BRIP1: variants seen among roughly 807,000 people sequenced by gnomAD.
BRIP1 encodes the protein BRCA1 interacting DNA helicase 1, also known as Fanconi anemia group J protein.
Under a neutral mutation model 119.7 loss-of-function variants are expected in BRIP1, and 88 were observed. The observed-to-expected ratio is 0.74, with a 90% CI of 0.62 to 0.88. The LOEUF (loss-of-function observed/expected upper bound fraction) is 0.88, where lower values mean the gene tolerates loss of function less well. Ranked by LOEUF, BRIP1 falls within the 40% of genes least tolerant of loss-of-function variation. The pLI is 0.00. For synonymous variants in BRIP1, 443 were observed against 496.5 expected (o/e 0.89, Z 1.43); for missense variants, 1,259 against 1,455.4 (o/e 0.87, Z 2.20).
chr17:61,779,574 C>G (rs989868344), intron 13 of BRIP1, among the ~76,000 whole-genome samples: 1 of 152,080 alleles, frequency 6.6e-6, no homozygotes, highest in Non-Finnish European at 1.5e-5. Context: ...GAGCCAAGAT[C>G]GCACCACTGC....
In BRIP1 at chr17:61,775,482, G is replaced by A. The variant is rs553283068; in HGVS notation, c.2097+919C>T. On this transcript the variant is annotated intron_variant, in intron 14 of 19. Transcript: ENST00000259008. The surrounding 1 kb of genome is among the most constrained non-coding windows in gnomAD (Gnocchi z 4.4). ...GAGGTATAACTTCCTGTGGAAAAAAGAGAAGGGAACGCCACTTCTCTACAT... is the reference window on the plus strand; with the variant it reads ...GAGGTATAACTTCCTGTGGAAAAAAAAGAAGGGAACGCCACTTCTCTACAT... Among the ~76,000 whole-genome samples, 2 of 152,222 alleles carry A rather than the reference G, an allele frequency of 1.3e-5. No individual in the cohort carries two copies. The highest frequency in any genetic ancestry group is 4.8e-5 in the African/African-American group (2 of 41,542).
intron 6 of BRIP1, among the ~76,000 whole-genome samples, chr17:61,818,472 T>C (rs2145507529): frequency 6.6e-6 from 1 of 152,214 alleles, no homozygotes; most frequent in African/African-American, 2.4e-5. Flanking sequence ...TTACAGAAAA[T>C]AGGCCACATC....
intron 14 of BRIP1, among the ~76,000 whole-genome samples, chr17:61,764,549 T>A (rs550107840): frequency 6.6e-6 from 1 of 152,136 alleles, no homozygotes; most frequent in South Asian, 2.1e-4. Context: ...GGTGCCAATA[T>A]GAAACTGTCA....
intron 14 of BRIP1, among the ~76,000 whole-genome samples, chr17:61,772,507 A>T (rs901842785): frequency 6.6e-6 from 1 of 152,022 alleles, no homozygotes; most frequent in African/African-American, 2.4e-5. Flanking sequence ...TTGTGAATGT[A>T]CTTAATTGTA....
chr17:61,759,005 C>CATAAATGAATAA lies in BRIP1; in HGVS notation c.2098-14415_2098-14414insTTATTCATTTAT, dbSNP rs1555596119. ...CCTGGGTGACAGAGCAAGACCCTGT[C>CATAAATGAATAA]ATAAATAAATAAATAAATAAATAAA... On this transcript the variant is annotated intron_variant, in intron 14 of 19. Transcript: ENST00000259008. This position sits in a 1 kb window ranked among gnomAD's most constrained non-coding sequence, Gnocchi z 4.9. Among the ~76,000 whole-genome samples the CATAAATGAATAA allele has an allele frequency of 7.3e-6, 1 of 136,996 alleles. No homozygotes were observed. The highest frequency in any genetic ancestry group is 1.6e-5 in the Non-Finnish European group (1 of 64,220). The allele number at this position is 136,996 out of a possible 152,430, so 89.9% of individuals were successfully genotyped here.
In BRIP1 at chr17:61,703,911, C is replaced by T. The variant is rs1215109952; in HGVS notation, c.2493-10399G>A. 3.9e-5 allele frequency among the ~76,000 whole-genome samples: 6 copies of T among 152,224 alleles called. No homozygotes were observed. In the East Asian group the frequency reaches 1.2e-3, roughly 29 times the overall value. Reference sequence around the variant, plus strand: ...GTTTTGTTGCAATTGCTTTTGAGGACTTAGTCACAAATTCTTTGCCAAATC... The same window carrying T: ...GTTTTGTTGCAATTGCTTTTGAGGATTTAGTCACAAATTCTTTGCCAAATC... On this transcript the variant is annotated intron_variant, in intron 17 of 19. Coordinates refer to ENST00000259008, the MANE Select transcript of BRIP1 (RefSeq NM_032043.3). This position sits in a 1 kb window ranked among gnomAD's most constrained non-coding sequence, Gnocchi z 5.0.
At chr17:61,837,523 G>T (rs2078592901) in intron 6 of BRIP1, among the ~76,000 whole-genome samples, 1 of 151,948 alleles carries the variant, frequency 6.6e-6, no homozygotes, top group African/African-American at 2.4e-5. Flanking sequence ...AGTATATAAA[G>T]AATGTTAGCA....
At position 61,806,174 on chromosome 17, in the gene BRIP1, AC is replaced by A. The variant is rs1368689368; in HGVS notation, c.918+2292del. 6.6e-6 allele frequency among the ~76,000 whole-genome samples: 1 copy of A among 152,190 alleles called. No homozygotes were observed. Among genetic ancestry groups the A allele is most frequent in the East Asian group, 1.9e-4 (1 of 5,188 alleles). ...TCATCCATTTTAGCAGTGTAACACA[AC>A]CCTGAGGAAGTCTGTCAATTGAAGT... On this transcript the variant is annotated intron_variant, in intron 7 of 19. Transcript: ENST00000259008. The surrounding 1 kb of genome is among the most constrained non-coding windows in gnomAD (Gnocchi z 4.9).
chr17:61,742,988 A>G lies in BRIP1; in HGVS notation c.2379+25T>C, dbSNP rs1318473522. The G allele has an allele frequency of 1.9e-6, 3 of 1,612,842 alleles. No homozygotes were observed. The highest frequency in any genetic ancestry group is 1.7e-5 in the Admixed American group (1 of 60,000). ...CAAAACCAATGACTCCTGTAATAAT[A>G]AAACTTAAGGTTTTGATGGCCTACC... On this transcript the variant is annotated intron_variant, in intron 16 of 19. Coordinates refer to ENST00000259008, the MANE Select transcript of BRIP1 (RefSeq NM_032043.3). The surrounding 1 kb of genome is among the most constrained non-coding windows in gnomAD (Gnocchi z 4.7).
In BRIP1 at chr17:61,848,674, T is replaced by G. The variant is rs546619566; in HGVS notation, c.507+455A>C. On this transcript the variant is annotated intron_variant, in intron 5 of 19. Coordinates refer to ENST00000259008, the MANE Select transcript of BRIP1 (RefSeq NM_032043.3). This position sits in a 1 kb window ranked among gnomAD's most constrained non-coding sequence, Gnocchi z 4.3. ...AGTAATTTTTAGAAATAAATATACA[T>G]ATTTTATCATGTATCAATCTTAAAA... Among the ~76,000 whole-genome samples, 1 of 152,310 alleles carries G rather than the reference T, an allele frequency of 6.6e-6. No homozygotes were observed. Among genetic ancestry groups the G allele is most frequent in the East Asian group, 1.9e-4 (1 of 5,188 alleles).
In BRIP1 at chr17:61,717,974, T is replaced by C. The variant is rs1457102511; in HGVS notation, c.2380-1911A>G. Among the ~76,000 whole-genome samples the C allele has an allele frequency of 6.6e-6, 1 of 152,182 alleles. No homozygotes were observed. The highest frequency in any genetic ancestry group is 2.4e-5 in the African/African-American group (1 of 41,450). The stretch of plus-strand genomic sequence containing the variant: ...TTGTTTCATATAGAGAGATTTCACA[T>C]AGGTATTTAAAAAATAGCTTCTGTT... On this transcript the variant is annotated intron_variant, in intron 16 of 19. Transcript: ENST00000259008. This position sits in a 1 kb window ranked among gnomAD's most constrained non-coding sequence, Gnocchi z 4.1.
chr17:61,774,330 C>A lies in BRIP1; in HGVS notation c.2097+2071G>T, dbSNP rs958796836. Among the ~76,000 whole-genome samples the A allele has an allele frequency of 5.3e-4, 81 of 152,212 alleles. No homozygotes were observed. The highest frequency in any genetic ancestry group is 1.9e-3 in the African/African-American group (79 of 41,538). On this transcript the variant is annotated intron_variant, in intron 14 of 19. Coordinates refer to ENST00000259008, the MANE Select transcript of BRIP1 (RefSeq NM_032043.3). This position sits in a 1 kb window ranked among gnomAD's most constrained non-coding sequence, Gnocchi z 5.8. ...AACCATCATTCTCAGCAAACTATCA[C>A]AAAGACAGAAAACCAAACACCGCAT...
rs762489777 is a variant in BRIP1, at chr17:61,731,079, TA to T, written c.2379+11933del. On this transcript the variant is annotated intron_variant, in intron 16 of 19. Coordinates refer to ENST00000259008, the MANE Select transcript of BRIP1 (RefSeq NM_032043.3). The stretch of plus-strand genomic sequence containing the variant: ...CAAAATACTTTTGGCCAAACTATCT[TA>T]AAAAAAAAAAAAAGCTGGGGAAAAA... 4.1e-3 allele frequency among the ~76,000 whole-genome samples: 540 copies of T among 130,488 alleles called. 1 individual carries two copies. Among genetic ancestry groups the T allele is most frequent in the Non-Finnish European group, 4.1e-3 (250 of 60,400 alleles). 85.6% of individuals were successfully genotyped at this position (130,488 alleles called of 152,430 possible).
At position 61,850,758 on chromosome 17, in the gene BRIP1, G is replaced by A. The variant is rs1052934464; in HGVS notation, c.380-1502C>T. On this transcript the variant is annotated intron_variant, in intron 4 of 19. Transcript: ENST00000259008. ...CATGAGAATCTCTTGAACCTGGGAG[G>A]CAGAGGTTGCAGTGAGCTGAGATCG... 1.1e-4 allele frequency among the ~76,000 whole-genome samples: 17 copies of A among 151,872 alleles called. 1 individual carries two copies. Among genetic ancestry groups the A allele is most frequent in the African/African-American group, 4.1e-4 (17 of 41,334 alleles).
chr17:61,775,352 T>G lies in BRIP1; in HGVS notation c.2097+1049A>C, dbSNP rs778633025. Among the ~76,000 whole-genome samples the G allele has an allele frequency of 2.0e-4, 31 of 152,188 alleles. No individual in the cohort carries two copies. Among genetic ancestry groups the G allele is most frequent in the Non-Finnish European group, 3.7e-4 (25 of 68,012 alleles). ...ATCTACAAGAGACTAATTGCTTTAGTGTATCCCTAGCTATCAAAGTACATA... is the reference window on the plus strand; with the variant it reads ...ATCTACAAGAGACTAATTGCTTTAGGGTATCCCTAGCTATCAAAGTACATA... On this transcript the variant is annotated intron_variant, in intron 14 of 19. Transcript: ENST00000259008. This position sits in a 1 kb window ranked among gnomAD's most constrained non-coding sequence, Gnocchi z 4.4.
rs1555616006 is a variant in BRIP1 at position 61,848,374 on chromosome 17, C to CT, written c.507+754dup. Among the ~76,000 whole-genome samples the CT allele has an allele frequency of 1.0e-4, 15 of 147,220 alleles. No homozygotes were observed. In the East Asian group the frequency reaches 1.2e-3, roughly 12 times the overall value. ...TAGGGCTCATGCCACCACACCCGGT[C>CT]TTTTTTTTTACTTTTTTGTGGAGAC... On this transcript the variant is annotated intron_variant, in intron 5 of 19. Coordinates refer to ENST00000259008, the MANE Select transcript of BRIP1 (RefSeq NM_032043.3). The surrounding 1 kb of genome is among the most constrained non-coding windows in gnomAD (Gnocchi z 4.3).
chr17:61,753,446 T>C lies in BRIP1; in HGVS notation c.2098-8855A>G, dbSNP rs769148880. Among the ~76,000 whole-genome samples the C allele has an allele frequency of 3.9e-5, 6 of 152,150 alleles. No individual in the cohort carries two copies. The highest frequency in any genetic ancestry group is 8.8e-5 in the Non-Finnish European group (6 of 68,038). On this transcript the variant is annotated intron_variant, in intron 14 of 19. Coordinates refer to ENST00000259008, the MANE Select transcript of BRIP1 (RefSeq NM_032043.3). This position sits in a 1 kb window ranked among gnomAD's most constrained non-coding sequence, Gnocchi z 4.6. ...AATGTTGATATGGCAGTTGGGTATA[T>C]GGGCATAGTACTTAAGGAAGAAGTC...
chr17:61,830,393 TCTA>T (rs559566413), intron 6 of BRIP1, among the ~76,000 whole-genome samples: 8 of 149,814 alleles, frequency 5.3e-5, no homozygotes, highest in Non-Finnish European at 1.0e-4. Context: ...TGGATAAACC[TCTA>T]CTACCTATTA....
In BRIP1 at chr17:61,693,625, A is replaced by G. The variant is rs1223596222; in HGVS notation, c.2493-113T>C. 1.3e-5 allele frequency: 11 copies of G among 853,704 alleles called. No individual in the cohort carries two copies. Among genetic ancestry groups the G allele is most frequent in the Non-Finnish European group, 2.1e-5 (11 of 523,350 alleles). The allele number at this position is 853,704 out of a possible 1,614,324, so 52.9% of individuals were successfully genotyped here. A position where few individuals can be genotyped will look rare whatever the true frequency, so the allele number is the denominator to read the frequency against. On this transcript the variant is annotated intron_variant, in intron 17 of 19. Transcript: ENST00000259008. This position sits in a 1 kb window ranked among gnomAD's most constrained non-coding sequence, Gnocchi z 4.2. The stretch of plus-strand genomic sequence containing the variant: ...ATCAATTTTATAGATTCCTTTAAAC[A>G]ATTTGTTATTATCAGAAAAGTTACA...
Sources: gnomAD v4.1 joint callset for allele counts (sites outside exome capture counted in the v4.1 genomes callset) on GRCh38, gnomAD v4.1.1 for gene constraint, Gnocchi (gnomAD v3.1) non-coding constraint, MANE v1.5 for transcripts, NCBI Gene and HGNC (gene_info 2026-07-23, HGNC 2026-07-21) for gene names.